Variants in TLE2 observed in about 807,000 individuals in gnomAD.
TLE2 encodes the protein transducin-like enhancer protein 2.
A neutral mutation model predicts 97.2 loss-of-function variants in TLE2; 74 were observed. That is an observed-to-expected ratio of 0.76 (90% CI 0.63 to 0.92). The LOEUF is 0.92. Among genes scored for constraint, TLE2 ranks in the 40% least tolerant of loss-of-function variants. The pLI is 0.00. For synonymous variants in TLE2, 499 were observed against 432.1 expected (o/e 1.15, Z -1.92); for missense variants, 1,038 against 1,008.7 (o/e 1.03, Z -0.39).
At chr19:3,001,850 T>C (rs550576494) in intron 18 of TLE2, among the ~76,000 whole-genome samples, 5 of 146,112 alleles carry the variant, frequency 3.4e-5, no homozygotes, top group Non-Finnish European at 7.5e-5. Flanking sequence ...CAGGCTGGAA[T>C]GCAGTGGCAT....
At chr19:3,040,734 G>A (rs1006884546) in intron 1 of TLE2, among the ~76,000 whole-genome samples, 6 of 151,578 alleles carry the variant, frequency 4.0e-5, no homozygotes, top group Non-Finnish European at 7.4e-5. Context: ...TGCAAGCCTC[G>A]AGCAAAATCC....
intron 14 of TLE2, among the ~76,000 whole-genome samples, chr19:3,007,848 G>A (rs1259160668): frequency 6.6e-6 from 1 of 152,150 alleles, no homozygotes; most frequent in African/African-American, 2.4e-5. Flanking sequence ...ACTTCGAGAG[G>A]CCAAGGTGGG....
chr19:3,016,182 T>C (rs913257239), intron 8 of TLE2, among the ~76,000 whole-genome samples: 1 of 151,892 alleles, frequency 6.6e-6, no homozygotes, highest in Non-Finnish European at 1.5e-5. Flanking sequence ...GTGATCCACC[T>C]GCCTCGGCCT....
At chr19:3,014,278 A>T (rs557911954) in intron 10 of TLE2, among the ~76,000 whole-genome samples, 1 of 152,238 alleles carries the variant, frequency 6.6e-6, no homozygotes, top group African/African-American at 2.4e-5. Flanking sequence ...AGGACTATAT[A>T]AAGGCTTGGT....
intron 15 of TLE2, 137 bp from the exon 16 acceptor site, chr19:3,006,105 G>T: frequency 1.8e-6 from 2 of 1,130,286 alleles, no homozygotes; most frequent in Non-Finnish European, 2.7e-6. Context: ...TGATTGGCTG[G>T]TGAGCCCCGC....
intron 8 of TLE2, 98 bp from the exon 9 acceptor site, chr19:3,015,858 T>C: frequency 1.1e-6 from 1 of 896,764 alleles, no homozygotes; most frequent in South Asian, 1.4e-5. Flanking sequence ...CCACCATTAT[T>C]AGGGTCCGGA....
intron 4 of TLE2, among the ~76,000 whole-genome samples, chr19:3,027,296 A>G (rs2089963815): frequency 6.6e-6 from 1 of 152,254 alleles, no homozygotes; most frequent in African/African-American, 2.4e-5. Context: ...ATTTTGGAGT[A>G]GTGGGGTCAC....
rs749326969 is a variant in TLE2, at chr19:3,005,506, C to T, written c.1827G>A (p.Leu609=). 1.2e-6 allele frequency: 2 copies of T among 1,613,754 alleles called. No individual in the cohort carries two copies. The highest frequency in any genetic ancestry group is 1.7e-6 in the Non-Finnish European group (2 of 1,179,792). The part of the protein sequence containing the change: ...DYGTRLWTGG[L]DNTVRCWDLR... ...GGTCCCAGCAGCGCACCGTGTTGTC[C>T]AGGCCCCCTGTCCAGAGCCGAGTGC... The change falls in exon 17 of 20, where the codon CTG becomes CTA. Residue 609 remains leucine, a synonymous_variant. Coordinates refer to ENST00000262953, the MANE Select transcript of TLE2 (RefSeq NM_003260.5).
intron 19 of TLE2, 50 bp from the exon 20 acceptor site, chr19:2,998,005 C>G (rs749551472): frequency 2.2e-6 from 3 of 1,390,858 alleles, no homozygotes; most frequent in Non-Finnish European, 3.0e-6. Flanking sequence ...ATGGTCCCCA[C>G]AGATGGGTGT....
intron 10 of TLE2, 92 bp from the exon 11 acceptor site, chr19:3,013,910 C>A: frequency 4.1e-6 from 5 of 1,227,130 alleles, no homozygotes; most frequent in Non-Finnish European, 5.3e-6. Flanking sequence ...ACCCCAATCT[C>A]TAGAATGGGT....
At chr19:3,027,776 G>A (rs2089970044) in intron 4 of TLE2, 53 bp downstream of exon 4, 9 of 1,581,386 alleles carry the variant, frequency 5.7e-6, no homozygotes, top group South Asian at 1.2e-5. Context: ...CCTTCTCAGG[G>A]CTTCCAGACC....
intron 5 of TLE2, among the ~76,000 whole-genome samples, chr19:3,022,397 T>C (rs2089862503): frequency 6.6e-6 from 1 of 150,916 alleles, no homozygotes; most frequent in Non-Finnish European, 1.5e-5. Context: ...GGCATGATGG[T>C]GGGTGCCTGT....
chr19:3,009,641 G>T lies in TLE2; in HGVS notation c.1074C>A (p.His358Gln), dbSNP rs1418388732. The T allele has an allele frequency of 3.5e-5, 56 of 1,613,090 alleles. No individual in the cohort carries two copies. The highest frequency in any genetic ancestry group is 4.2e-5 in the Non-Finnish European group (49 of 1,179,650). ...CGGAGAGGTCTCCGTTGAGAGTGCT[G>T]TGGGAGCCCAGGCTGAAGGACGTGG... is the stretch of plus-strand genomic sequence containing the variant. ...PFTTSFSLGSHSTLNGDLSVP... is the reference protein window; with the variant it reads ...PFTTSFSLGSQSTLNGDLSVP... The change falls in exon 13 of 20, where the codon CAC (histidine) becomes CAA (glutamine). Residue 358 changes from histidine to glutamine, a missense_variant. By Grantham distance (24) the His-to-Gln change is conservative. Transcript: ENST00000262953.
rs911014849 is a variant in TLE2 at position 3,041,839 on chromosome 19, G to A, written c.63+3887C>T. Reference sequence around the variant, plus strand: ...GTTGCTGGGAATTGAGGCTTTGGGGGCAGCCAGGCCCAGAGAGGCCTAGGG... The same window carrying A: ...GTTGCTGGGAATTGAGGCTTTGGGGACAGCCAGGCCCAGAGAGGCCTAGGG... On this transcript the variant is annotated intron_variant, in intron 1 of 18. Coordinates refer to the TLE2 transcript ENST00000426948. Among the ~76,000 whole-genome samples the A allele has an allele frequency of 3.3e-5, 5 of 152,154 alleles. No individual in the cohort carries two copies. In the East Asian group the frequency reaches 7.8e-4, roughly 24 times the overall value.
At position 3,000,738 on chromosome 19, in the gene TLE2, G is replaced by T; in HGVS notation, c.2048-15C>A. The T allele has an allele frequency of 6.4e-7, 1 of 1,570,858 alleles. No individual in the cohort carries two copies. Among genetic ancestry groups the T allele is most frequent in the Non-Finnish European group, 8.6e-7 (1 of 1,158,084 alleles). The stretch of plus-strand genomic sequence containing the variant: ...AAACCACCGTCCTTGGGGAAGGAGA[G>T]CAGCAGGGTTCAAGGAGGGGGCACT... On this transcript the variant is annotated splice_polypyrimidine_tract_variant and intron_variant, in intron 18 of 19. Transcript: ENST00000262953.
Position 3,014,609 on chromosome 19 carries a change from G to C in TLE2, c.684C>G (p.Ser228Arg). 1.3e-6 allele frequency: 2 copies of C among 1,588,792 alleles called. No homozygotes were observed. Among genetic ancestry groups the C allele is most frequent in the South Asian group, 1.1e-5 (1 of 87,142 alleles). Residue 228 changes from serine to arginine, a missense_variant, in exon 10 of 20, where the codon AGC (serine) becomes AGG (arginine). Transcript: ENST00000262953. ...GATTGTAATCACTCTTGTCTTCGTC[G>C]CTTTCCTGGGGGAAGATGGGGGAGA... Reference protein sequence around the residue: ...DEKEPSGPYESDEDKSDYNLV... With the variant: ...DEKEPSGPYERDEDKSDYNLV...
intron 1 of TLE2, among the ~76,000 whole-genome samples, chr19:3,042,984 A>C (rs1454251848): frequency 6.6e-6 from 1 of 151,852 alleles, no homozygotes; most frequent in Non-Finnish European, 1.5e-5. Context: ...TTTTTAATTA[A>C]TTTATTTTTT....
At chr19:3,006,713 C>CCCCGCA (rs548718201) in intron 14 of TLE2, 44 bp from the exon 15 acceptor site, 3 of 1,512,484 alleles carry the variant, frequency 2.0e-6, no homozygotes, top group South Asian at 2.5e-5. Flanking sequence ...GGCACCACGC[C>CCCCGCA]CCCGCACCCG....
At chr19:3,040,915 G>C (rs538043609) in intron 1 of TLE2, among the ~76,000 whole-genome samples, 1 of 143,146 alleles carries the variant, frequency 7.0e-6, no homozygotes, top group Non-Finnish European at 1.5e-5. Context: ...GTGGACCTCC[G>C]TTTGCTCATC....
Sources: gnomAD v4.1 joint callset for allele counts (sites outside exome capture counted in the v4.1 genomes callset) on GRCh38, gnomAD v4.1.1 for gene constraint, MANE v1.5 for transcripts, NCBI Gene and HGNC (gene_info 2026-07-23, HGNC 2026-07-21) for gene names.